The following DRC3 variants were observed in gnomAD, a reference collection of about 807,000 sequenced individuals.
DRC3 encodes the protein leucine rich repeat containing 48.
A neutral mutation model predicts 57.6 loss-of-function variants in DRC3; 45 were observed. The ratio of observed to expected loss-of-function variants is 0.78; its 90% CI spans 0.62 to 1.00. The LOEUF (loss-of-function observed/expected upper bound fraction) is 1.00, where lower values mean the gene tolerates loss of function less well. DRC3 is among the 50% of genes least tolerant of loss of function. The pLI is 0.00. For missense variants in DRC3, 655 were observed against 675.2 expected (o/e 0.97, Z 0.33); for synonymous variants, 257 against 272.3 (o/e 0.94, Z 0.55).
intron 9 of DRC3, among the ~76,000 whole-genome samples, chr17:17,999,418 C>A (rs1027747319): frequency 6.6e-6 from 1 of 152,162 alleles, no homozygotes; most frequent in African/African-American, 2.4e-5. Context: ...GGGTGCTTTC[C>A]ATGCACAGCC....
chr17:17,977,594 G>C lies in DRC3; in HGVS notation c.-5G>C. The C allele has an allele frequency of 6.2e-7, 1 of 1,613,940 alleles. No individual in the cohort carries two copies. On this transcript the variant is annotated 5_prime_UTR_variant, in exon 3 of 14. Coordinates refer to ENST00000399187, the MANE Select transcript of DRC3 (RefSeq NM_031294.4). ...CGGTGTTTTTTAGGGAAAACGTGGG[G>C]GAAGATGAACCAGCCGTGCAACTCG...
chr17:18,016,026 G>A, intron 12 of DRC3, 38 bp from the exon 13 acceptor site: 1 of 1,609,056 alleles, frequency 6.2e-7, no homozygotes, highest in South Asian at 1.1e-5. Context: ...ACGGTATAAT[G>A]ACACACACTT....
intron 11 of DRC3, chr17:18,006,549 T>C (rs2145422776): frequency 4.2e-6 from 2 of 480,070 alleles, no homozygotes; most frequent in East Asian, 3.7e-5. Context: ...TGGAAGACAC[T>C]ATAAGGAGTA....
At chr17:17,993,436 A>T (rs2043319659) in intron 6 of DRC3, 1 of 152,748 alleles carries the variant, frequency 6.5e-6, no homozygotes, top group South Asian at 2.1e-4. Flanking sequence ...CAGTGAACTA[A>T]GAAGATGCCA....
intron 2 of DRC3, 28 bp from the exon 3 acceptor site, chr17:17,977,554 C>A: frequency 1.2e-6 from 2 of 1,612,864 alleles, no homozygotes; most frequent in East Asian, 2.2e-5. Flanking sequence ...AGAAGCAGGC[C>A]GTGAAGGAAG....
rs5819640 is a variant in DRC3, at chr17:18,016,873, TAAA to T, written c.*216_*218del. 0.052 allele frequency: 15,768 copies of T among 301,350 alleles called. 2 individuals are homozygous for T. Among genetic ancestry groups the T allele is most frequent in the East Asian group, 0.19 (3,160 of 17,062 alleles). 18.7% of individuals were successfully genotyped at this position (301,350 alleles called of 1,614,324 possible). On this transcript the variant is annotated 3_prime_UTR_variant, in exon 14 of 14. Coordinates refer to ENST00000399187, the MANE Select transcript of DRC3 (RefSeq NM_031294.4). ...ACTCATTTCACATTTCCCCTACTCA[TAAA>T]AAAAAAAAAAAAATCAGCTGGGTGC...
chr17:18,012,600 T>C (rs1355483028), intron 12 of DRC3, among the ~76,000 whole-genome samples: 1 of 152,076 alleles, frequency 6.6e-6, no homozygotes, highest in Non-Finnish European at 1.5e-5. Context: ...GAGGATGGCT[T>C]GAGCCCAGGA....
intron 3 of DRC3, among the ~76,000 whole-genome samples, chr17:17,979,529 G>A (rs575890166): frequency 4.3e-4 from 66 of 152,324 alleles, no homozygotes; most frequent in South Asian, 1.2e-3. Flanking sequence ...AGATTAAATC[G>A]GCTTTTTTTG....
chr17:18,011,044 A>T, intron 12 of DRC3: 1 of 205,126 alleles, frequency 4.9e-6, no homozygotes. Flanking sequence ...GACAATCTCC[A>T]CCTCCCAGGT....
intron 2 of DRC3, 131 bp from the exon 3 acceptor site, chr17:17,977,451 C>T (rs981320291): frequency 2.8e-6 from 3 of 1,087,994 alleles, no homozygotes; most frequent in African/African-American, 1.6e-5. Context: ...TGCAGCAGAC[C>T]CAGGGCTGGG....
chr17:17,979,061 GTGT>G (rs1185633407), intron 3 of DRC3, among the ~76,000 whole-genome samples: 1 of 152,242 alleles, frequency 6.6e-6, no homozygotes, highest in African/African-American at 2.4e-5. Context: ...GTGGAGTACA[GTGT>G]TTTATAGAGT....
chr17:18,010,139 T>C (rs920149697), intron 12 of DRC3, among the ~76,000 whole-genome samples: 39 of 152,140 alleles, frequency 2.6e-4, no homozygotes, highest in African/African-American at 8.7e-4. Context: ...AAGCCAGCAG[T>C]CTCTGGACAG....
intron 3 of DRC3, among the ~76,000 whole-genome samples, chr17:17,980,250 TTTTG>T (rs375221909): frequency 0.01 from 1,563 of 152,070 alleles, 32 homozygotes; most frequent in African/African-American, 0.036. Flanking sequence ...TATGTTTTTT[TTTTG>T]TTTGTTTGTT....
chr17:18,016,753 C>T lies in DRC3; in HGVS notation c.*82C>T. ...AGGAAGTGCACACGCCTCACCCGCA[C>T]CTCTAGAGAGTTGCTGGGCATCTCT... On this transcript the variant is annotated 3_prime_UTR_variant, in exon 14 of 14. Transcript: ENST00000399187. The T allele has an allele frequency of 1.3e-6, 1 of 793,624 alleles. No individual in the cohort carries two copies. The highest frequency in any genetic ancestry group is 2.7e-5 in the East Asian group (1 of 36,940). 49.2% of individuals were successfully genotyped at this position (793,624 alleles called of 1,614,324 possible).
intron 9 of DRC3, 98 bp from the exon 10 acceptor site, chr17:18,004,265 C>A: frequency 7.4e-7 from 1 of 1,344,494 alleles, no homozygotes; most frequent in Non-Finnish European, 1.0e-6. Context: ...GGCAGGCTGA[C>A]TCGAGTCCAA....
At chr17:17,992,730 C>T in intron 5 of DRC3, 35 bp from the exon 6 acceptor site, 1 of 1,604,104 alleles carries the variant, frequency 6.2e-7, no homozygotes, top group Non-Finnish European at 8.5e-7. Flanking sequence ...CTGTGGCAGC[C>T]AAGAAAATGG....
intron 4 of DRC3, among the ~76,000 whole-genome samples, chr17:17,986,766 A>G (rs1426770011): frequency 2.7e-5 from 4 of 149,554 alleles, no homozygotes; most frequent in African/African-American, 9.8e-5. Context: ...GCCCAGCCCC[A>G]AATCACCTTT....
chr17:17,984,782 T>C (rs528224333), intron 4 of DRC3, among the ~76,000 whole-genome samples: 42 of 152,224 alleles, frequency 2.8e-4, no homozygotes, highest in African/African-American at 9.6e-4. Flanking sequence ...TCCATCCTAT[T>C]AGGCGGTCTT....
At chr17:18,011,311 C>A in intron 12 of DRC3, 1 of 348,310 alleles carries the variant, frequency 2.9e-6, no homozygotes, top group Non-Finnish European at 5.6e-6. Context: ...CCCCAGCCAG[C>A]GCAGCAGGTT....
Sources: gnomAD v4.1 joint callset for allele counts (sites outside exome capture counted in the v4.1 genomes callset) on GRCh38, gnomAD v4.1.1 for gene constraint, MANE v1.5 for transcripts, NCBI Gene and HGNC (gene_info 2026-07-23, HGNC 2026-07-21) for gene names.